The following BCL2 variants were observed in gnomAD, a reference collection of about 807,000 sequenced individuals.
BCL2 encodes apoptosis regulator Bcl-2.
In BCL2, 1 loss-of-function variant was observed where a neutral mutation model predicts 14.2. The observed-to-expected ratio is 0.07, with a 90% confidence interval of 0.02 to 0.33. The LOEUF (loss-of-function observed/expected upper bound fraction) is 0.33. BCL2 is among the 10% of genes least tolerant of loss of function. BCL2 has a pLI of 0.99. For missense variants in BCL2, 247 were observed against 305.9 expected (o/e 0.81, Z 1.44); for synonymous variants, 151 against 137.2 (o/e 1.10, Z -0.70).
chr18:63,310,572 T>C (rs1036717865), intron 2 of BCL2, among the ~76,000 whole-genome samples: 1 of 152,226 alleles, frequency 6.6e-6, no homozygotes, highest in African/African-American at 2.4e-5. Context: ...GGTAAGTTCC[T>C]TGAAGGCAAA....
At chr18:63,142,301 C>A (rs1275378556) in intron 2 of BCL2, among the ~76,000 whole-genome samples, 3 of 152,262 alleles carry the variant, frequency 2.0e-5, no homozygotes, top group African/African-American at 7.2e-5. Flanking sequence ...GCACTGCCAG[C>A]CTCCAGCCCT....
At chr18:63,199,403 A>T (rs1411077175) in intron 2 of BCL2, among the ~76,000 whole-genome samples, 1 of 151,774 alleles carries the variant, frequency 6.6e-6, no homozygotes. Flanking sequence ...CACACAACAC[A>T]CACAGCCATA....
At chr18:63,211,347 C>T (rs536357606) in intron 2 of BCL2, among the ~76,000 whole-genome samples, 132 of 152,154 alleles carry the variant, frequency 8.7e-4, no homozygotes, top group African/African-American at 2.7e-3. Flanking sequence ...TGTGACCCAC[C>T]GCGCCTGGCC....
chr18:63,288,442 T>C (rs1912535692), intron 2 of BCL2, among the ~76,000 whole-genome samples: 2 of 152,258 alleles, frequency 1.3e-5, no homozygotes, highest in African/African-American at 4.8e-5. Flanking sequence ...CCATTCTTAC[T>C]GATGCTAGGC....
chr18:63,232,816 G>A (rs1910724464), intron 2 of BCL2, among the ~76,000 whole-genome samples: 1 of 152,178 alleles, frequency 6.6e-6, no homozygotes, highest in Non-Finnish European at 1.5e-5. Flanking sequence ...AACAAGTCCA[G>A]AGAAGGTCAC....
At chr18:63,317,596 C>T (rs1163852269) in intron 2 of BCL2, 7 of 994,674 alleles carry the variant, frequency 7.0e-6, no homozygotes, top group Non-Finnish European at 8.4e-6. Context: ...GGAGTCTATT[C>T]TTCTAATCGG....
intron 2 of BCL2, chr18:63,302,961 G>A: frequency 1.1e-6 from 1 of 870,484 alleles, no homozygotes; most frequent in Non-Finnish European, 1.4e-6. Flanking sequence ...CTGAAGGTGG[G>A]TTTGTTTTTA....
intron 2 of BCL2, among the ~76,000 whole-genome samples, chr18:63,228,686 T>C (rs12970504): frequency 0.16 from 24,528 of 149,806 alleles, 2,114 homozygotes; most frequent in Non-Finnish European, 0.19. Flanking sequence ...ACGGATCTGA[T>C]AAAACAGACT....
At chr18:63,199,700 A>T (rs1909633759) in intron 2 of BCL2, among the ~76,000 whole-genome samples, 1 of 152,044 alleles carries the variant, frequency 6.6e-6, no homozygotes, top group Non-Finnish European at 1.5e-5. Context: ...CAGACACACT[A>T]CATATGCACA....
intron 2 of BCL2, among the ~76,000 whole-genome samples, chr18:63,133,246 G>A (rs1031908878): frequency 4.6e-5 from 7 of 151,930 alleles, no homozygotes; most frequent in African/African-American, 1.7e-4. Context: ...TCACCCCTCC[G>A]GGCCATGGAG....
chr18:63,261,589 G>A (rs1471240057), intron 2 of BCL2, among the ~76,000 whole-genome samples: 1 of 152,068 alleles, frequency 6.6e-6, no homozygotes, highest in Non-Finnish European at 1.5e-5. Context: ...GGAGAGCTTT[G>A]AAACTCACAT....
intron 2 of BCL2, among the ~76,000 whole-genome samples, chr18:63,300,738 C>G (rs556580303): frequency 6.6e-6 from 1 of 152,172 alleles, no homozygotes; most frequent in Non-Finnish European, 1.5e-5. Context: ...TCCTGTGCTA[C>G]GATCCAGCGA....
At chr18:63,296,320 C>T (rs1912793590) in intron 2 of BCL2, among the ~76,000 whole-genome samples, 1 of 151,868 alleles carries the variant, frequency 6.6e-6, no homozygotes. Context: ...TTTTTTGAGA[C>T]AAGGTCTCAC....
At chr18:63,168,750 C>A (rs1380069858) in intron 2 of BCL2, among the ~76,000 whole-genome samples, 1 of 152,242 alleles carries the variant, frequency 6.6e-6, no homozygotes, top group Admixed American at 6.5e-5. Context: ...AAGATTCCCT[C>A]ATCTTCTGTG....
intron 2 of BCL2, among the ~76,000 whole-genome samples, chr18:63,156,434 C>T (rs1353000861): frequency 6.6e-6 from 1 of 152,148 alleles, no homozygotes; most frequent in East Asian, 1.9e-4. Context: ...AGCGGAAACC[C>T]TTGTCTAGTG....
chr18:63,226,233 C>A (rs1487179703), intron 2 of BCL2, among the ~76,000 whole-genome samples: 1 of 152,178 alleles, frequency 6.6e-6, no homozygotes, highest in Non-Finnish European at 1.5e-5. Flanking sequence ...CTTCTCTCTG[C>A]CAGTGGAGCC....
rs747085111 is a variant in BCL2, at chr18:63,318,388, G to C, written c.279C>G (p.Val93=). 30 of 1,583,232 alleles carry C rather than the reference G, an allele frequency of 1.9e-5. No individual in the cohort carries two copies. Among genetic ancestry groups the C allele is most frequent in the Middle Eastern group, 3.4e-4 (2 of 5,916 alleles). ...CGCCGGCCTGGCGGAGGGTCAGGTG[G>C]ACCACAGGTGGCACCGGGCTGAGCG... is the stretch of plus-strand genomic sequence containing the variant. The part of the protein sequence containing the change: ...GPALSPVPPV[V]HLTLRQAGDD... Residue 93 remains valine, a synonymous_variant, in exon 2 of 3, where the codon GTC becomes GTG. Transcript: ENST00000333681. This position sits in a 1 kb window ranked among gnomAD's most constrained non-coding sequence, Gnocchi z 7.4.
intron 2 of BCL2, among the ~76,000 whole-genome samples, chr18:63,136,618 A>G (rs1914216980): frequency 6.6e-6 from 1 of 152,268 alleles, no homozygotes; most frequent in East Asian, 1.9e-4. Context: ...GAGTTACCTC[A>G]TCAAGCAAGT....
intron 2 of BCL2, among the ~76,000 whole-genome samples, chr18:63,298,793 G>C (rs1912872710): frequency 6.6e-6 from 1 of 152,172 alleles, no homozygotes; most frequent in Admixed American, 6.5e-5. Flanking sequence ...GGTCATCTCA[G>C]ATGGCATGTC....
Sources: allele counts gnomAD v4.1 joint callset (sites outside exome capture counted in the v4.1 genomes callset), GRCh38; gene constraint gnomAD v4.1.1; non-coding constraint Gnocchi (gnomAD v3.1); transcripts MANE v1.5; gene names NCBI Gene and HGNC (gene_info 2026-07-23, HGNC 2026-07-21).